The following LCTL variants were observed in gnomAD, a reference collection of about 807,000 sequenced individuals.
LCTL encodes lactase-like protein.
Under a neutral mutation model 75.8 loss-of-function variants are expected in LCTL, and 76 were observed. That is an observed-to-expected ratio of 1.00 (90% CI 0.83 to 1.21). The LOEUF is 1.21. Among genes scored for constraint, LCTL ranks in the 50% most tolerant of loss-of-function variants. The probability of loss-of-function intolerance (pLI) is 0.00; values close to 1 mark genes in which losing one functional copy is unlikely to be tolerated. For missense variants in LCTL, 670 were observed against 712.4 expected (o/e 0.94, Z 0.68); for synonymous variants, 271 against 268.8 (o/e 1.01, Z -0.08).
At chr15:66,559,558 A>C (rs1413412174) in intron 6 of LCTL, among the ~76,000 whole-genome samples, 1 of 151,530 alleles carries the variant, frequency 6.6e-6, no homozygotes, top group Non-Finnish European at 1.5e-5. Context: ...ATTCAAAAAA[A>C]TTAGCCGGGT....
At chr15:66,562,580 C>T (rs906404344) in intron 4 of LCTL, among the ~76,000 whole-genome samples, 2 of 150,980 alleles carry the variant, frequency 1.3e-5, no homozygotes, top group East Asian at 1.9e-4. Context: ...TATGCTATGT[C>T]GCCAGATCTT....
chr15:66,558,151 G>A lies in LCTL; in HGVS notation c.706-115C>T. ...TAGAGCTATTATTTTCATCAATCCAGCCTTGTTTATCCCGATCCAGTCTTC... is the reference window on the plus strand; with the variant it reads ...TAGAGCTATTATTTTCATCAATCCAACCTTGTTTATCCCGATCCAGTCTTC... On this transcript the variant is annotated intron_variant, in intron 6 of 12. Transcript: ENST00000341509. The A allele has an allele frequency of 7.2e-6, 6 of 830,882 alleles. No homozygotes were observed. In the South Asian group the frequency reaches 1.5e-4, roughly 21 times the overall value. 51.5% of individuals were successfully genotyped at this position (830,882 alleles called of 1,614,324 possible). A position where few individuals can be genotyped will look rare whatever the true frequency, so the allele number is the denominator to read the frequency against.
At chr15:66,563,785 A>G in intron 3 of LCTL, 126 bp downstream of exon 4, 1 of 871,220 alleles carries the variant, frequency 1.1e-6, no homozygotes, top group East Asian at 2.6e-5. Flanking sequence ...AACCTGTGAG[A>G]GCTGCTACCG....
At chr15:66,561,044 C>T (rs144206523) in exon 6 of LCTL, 14 of 1,614,034 alleles carry the variant, frequency 8.7e-6, no homozygotes, top group African/African-American at 4.0e-5. Context: ...AGGCCGGTGC[C>T]GCGGAGCTTC....
exon 13 of LCTL, chr15:66,548,581 A>G (rs1895469959): frequency 6.2e-7 from 1 of 1,610,502 alleles, no homozygotes; most frequent in Non-Finnish European, 8.5e-7. Flanking sequence ...CTCCGTAACC[A>G]TTTGCATGTG....
At chr15:66,564,549 G>A in intron 2 of LCTL, 127 bp downstream of exon 3, 1 of 1,130,880 alleles carries the variant, frequency 8.8e-7, no homozygotes, top group South Asian at 1.5e-5. Context: ...GAGGGTGTTT[G>A]GCAGAGCATG....
At chr15:66,551,599 T>C in intron 11 of LCTL, 63 bp downstream of exon 12, 1 of 1,345,830 alleles carries the variant, frequency 7.4e-7, no homozygotes, top group East Asian at 2.3e-5. Flanking sequence ...AAGTTCTTTG[T>C]GTGTTCCAGC....
At chr15:66,558,840 C>T (rs928538562) in intron 6 of LCTL, among the ~76,000 whole-genome samples, 7 of 151,820 alleles carry the variant, frequency 4.6e-5, no homozygotes, top group Non-Finnish European at 7.4e-5. Context: ...GGACTACAGG[C>T]ACCCACCACC....
chr15:66,551,131 G>C (rs546948440), intron 11 of LCTL, among the ~76,000 whole-genome samples: 2 of 151,642 alleles, frequency 1.3e-5, no homozygotes, highest in Non-Finnish European at 2.9e-5. Flanking sequence ...GGCAGATCAC[G>C]AGGTCAAGAG....
intron 1 of LCTL, 148 bp downstream of exon 2, chr15:66,565,098 ATC>A: frequency 1.4e-6 from 1 of 691,206 alleles, no homozygotes; most frequent in Non-Finnish European, 2.6e-6. Flanking sequence ...AAAAAAAAAT[ATC>A]TGTTAGGAGC....
intron 11 of LCTL, among the ~76,000 whole-genome samples, chr15:66,550,354 A>G (rs556617036): frequency 6.6e-6 from 1 of 152,316 alleles, no homozygotes; most frequent in Non-Finnish European, 1.5e-5. Flanking sequence ...TAATAATGTA[A>G]AAGTAGCAAA....
intron 8 of LCTL, among the ~76,000 whole-genome samples, chr15:66,554,292 A>AG (rs56346516): frequency 0.08 from 11,766 of 147,084 alleles, 565 homozygotes; most frequent in Middle Eastern, 0.12. Flanking sequence ...CTGTCTCAAA[A>AG]AAAAAAAAAA....
exon 7 of LCTL, chr15:66,558,011 T>TAAG: frequency 1.9e-6 from 3 of 1,607,448 alleles, no homozygotes; most frequent in Non-Finnish European, 1.7e-6. Flanking sequence ...CGTGGTGTTA[T>TAAG]AAGAATGCCA....
intron 10 of LCTL, 62 bp from the exon 12 acceptor site, chr15:66,551,923 GATA>G (rs1454883750): frequency 2.6e-6 from 4 of 1,527,256 alleles, no homozygotes; most frequent in South Asian, 1.2e-5. Flanking sequence ...TAAAACTGAA[GATA>G]ATGTTAAAAT....
chr15:66,558,165 G>T (rs67124721), intron 6 of LCTL, 129 bp from the exon 8 acceptor site: 6 of 636,632 alleles, frequency 9.4e-6, no homozygotes, highest in Non-Finnish European at 1.5e-5. Flanking sequence ...TGTTTATCCC[G>T]ATCCAGTCTT....
chr15:66,551,815 CAG>C lies in LCTL; in HGVS notation c.1369_1370del (p.Leu457ValfsTer3), dbSNP rs1228012869. The C allele has an allele frequency of 1.2e-6, 2 of 1,613,940 alleles. No individual in the cohort carries two copies. Among genetic ancestry groups the C allele is most frequent in the Non-Finnish European group, 1.7e-6 (2 of 1,179,892 alleles). On this transcript the variant is annotated frameshift_variant, in exon 11 of 13. Coordinates refer to ENST00000341509, the Ensembl canonical transcript of LCTL. LOFTEE classifies it high-confidence loss of function. ...CTTTCTCCCATTCAAACTTATCCAACAGAGACCAGGAAGTATACCCCTTTATA... is the reference window on the plus strand; with the variant it reads ...CTTTCTCCCATTCAAACTTATCCAACAGACCAGGAAGTATACCCCTTTATA...
chr15:66,552,892 T>C (rs925264550), intron 9 of LCTL, 92 bp downstream of exon 10: 1 of 1,187,158 alleles, frequency 8.4e-7, no homozygotes, highest in African/African-American at 1.6e-5. Context: ...TATTTTGTTT[T>C]ATTAACTTTC....
rs576695270 is a variant in LCTL, at chr15:66,557,861, G to T, written c.783C>A (p.Asn261Lys). 2.4e-5 allele frequency: 38 copies of T among 1,614,108 alleles called. No individual in the cohort carries two copies. In the South Asian group the frequency reaches 4.2e-4, roughly 18 times the overall value. Residue 261 changes from asparagine to lysine, a missense_variant, in exon 8 of 13, where the codon AAC (asparagine) becomes AAA (lysine). Coordinates refer to ENST00000341509, the Ensembl canonical transcript of LCTL. ...TGTCCACAGGTTCCCCCCAGTCACA[G>T]TTCAATGAAATTCCCACCAGACCTT... is the stretch of plus-strand genomic sequence containing the variant.
At chr15:66,558,677 G>A (rs1016093445) in intron 6 of LCTL, among the ~76,000 whole-genome samples, 83 of 95,408 alleles carry the variant, frequency 8.7e-4, no homozygotes, top group African/African-American at 2.8e-3. Flanking sequence ...TTTTGTGTGT[G>A]TGTGTGTGTG....
Sources: allele counts gnomAD v4.1 joint callset (sites outside exome capture counted in the v4.1 genomes callset), GRCh38; gene constraint gnomAD v4.1.1; transcripts MANE v1.5; gene names NCBI Gene and HGNC (gene_info 2026-07-23, HGNC 2026-07-21).